Variants in ROBO2 observed in about 807,000 individuals in gnomAD.
The protein encoded by ROBO2 is roundabout homolog 2.
Under a neutral mutation model 160.8 loss-of-function variants are expected in ROBO2, and 53 were observed. That is an observed-to-expected ratio of 0.33 (90% CI 0.26 to 0.41). The LOEUF is 0.41. Among genes scored for constraint, ROBO2 ranks in the 10% least tolerant of loss-of-function variants. The pLI is 1.00. For synonymous variants in ROBO2, 664 were observed against 611.7 expected (o/e 1.09, Z -1.26); for missense variants, 1,577 against 1,722.4 (o/e 0.92, Z 1.49).
intron 2 of ROBO2, among the ~76,000 whole-genome samples, chr3:76,257,341 A>G (rs1706462035): frequency 6.6e-6 from 1 of 152,260 alleles, no homozygotes; most frequent in East Asian, 1.9e-4. Flanking sequence ...GAAATAACTT[A>G]TATGTATTCT....
intron 2 of ROBO2, among the ~76,000 whole-genome samples, chr3:76,261,462 C>G (rs1398818263): frequency 6.6e-6 from 1 of 151,808 alleles, no homozygotes; most frequent in African/African-American, 2.4e-5. Context: ...TATACTTGCT[C>G]TCAGAGTTTA....
intron 2 of ROBO2, among the ~76,000 whole-genome samples, chr3:76,272,974 TATATATA>T (rs1205245753): frequency 1.2e-4 from 9 of 74,886 alleles, no homozygotes; most frequent in African/African-American, 3.6e-4. Context: ...ATATATAAAA[TATATATA>T]ATATATAATA....
chr3:77,341,554 T>C (rs905420834), intron 2 of ROBO2, among the ~76,000 whole-genome samples: 1 of 152,166 alleles, frequency 6.6e-6, no homozygotes, highest in African/African-American at 2.4e-5. Flanking sequence ...TGGCATTTTG[T>C]GGCTAGTGAA....
At chr3:76,991,647 A>G (rs2060671231) in intron 2 of ROBO2, among the ~76,000 whole-genome samples, 1 of 152,232 alleles carries the variant, frequency 6.6e-6, no homozygotes, top group Non-Finnish European at 1.5e-5. Flanking sequence ...AGTATTCTTT[A>G]CCATAGAAAA....
At chr3:76,368,716 G>A (rs755828735) in intron 2 of ROBO2, among the ~76,000 whole-genome samples, 12 of 151,916 alleles carry the variant, frequency 7.9e-5, no homozygotes, top group Non-Finnish European at 1.8e-4. Flanking sequence ...TTTTCTACTG[G>A]TCTAAGAGTA....
intron 2 of ROBO2, among the ~76,000 whole-genome samples, chr3:76,204,509 G>C (rs1392147550): frequency 2.0e-5 from 3 of 152,200 alleles, no homozygotes; most frequent in African/African-American, 7.2e-5. Flanking sequence ...GAGAGAAATA[G>C]AATGTTCTAA....
intron 2 of ROBO2, among the ~76,000 whole-genome samples, chr3:76,607,393 C>T (rs2087747412): frequency 6.6e-6 from 1 of 152,184 alleles, no homozygotes; most frequent in African/African-American, 2.4e-5. Flanking sequence ...ATTTCTCAGA[C>T]ATTTTCCCCA....
intron 2 of ROBO2, among the ~76,000 whole-genome samples, chr3:77,101,291 ATTTGT>A (rs202020622): frequency 0.053 from 8,036 of 152,166 alleles, 240 homozygotes; most frequent in Middle Eastern, 0.13. Flanking sequence ...TGATTACTAG[ATTTGT>A]TTTGTTTTGT....
At chr3:77,558,616 C>G (rs1172850492) in intron 9 of ROBO2, among the ~76,000 whole-genome samples, 1 of 151,920 alleles carries the variant, frequency 6.6e-6, no homozygotes, top group Non-Finnish European at 1.5e-5. Flanking sequence ...AGTGGGAAAC[C>G]TTAGGTTGTA....
chr3:76,977,047 T>C (rs1245490797), intron 2 of ROBO2, among the ~76,000 whole-genome samples: 4 of 152,208 alleles, frequency 2.6e-5, no homozygotes, highest in African/African-American at 9.6e-5. Flanking sequence ...ATGTTGGAAA[T>C]GGCATCCTAT....
exon 1 of ROBO2, chr3:75,906,891 C>T (rs1311977204): frequency 6.6e-6 from 1 of 152,296 alleles, no homozygotes; most frequent in East Asian, 1.9e-4. Context: ...TTCACACGGA[C>T]GCTGCGGAGC....
chr3:76,454,852 C>T (rs146611748), intron 2 of ROBO2, among the ~76,000 whole-genome samples: 1 of 152,128 alleles, frequency 6.6e-6, no homozygotes, highest in Non-Finnish European at 1.5e-5. Context: ...AGAAACAGCA[C>T]ATATTTATTT....
intron 2 of ROBO2, among the ~76,000 whole-genome samples, chr3:77,209,971 T>C (rs1187485752): frequency 2.6e-5 from 4 of 152,118 alleles, no homozygotes; most frequent in Non-Finnish European, 5.9e-5. Context: ...ATCTTTCTTT[T>C]TGAAAGAAAA....
chr3:77,542,860 A>T (rs975737550), intron 6 of ROBO2, among the ~76,000 whole-genome samples: 1 of 148,722 alleles, frequency 6.7e-6, no homozygotes, highest in Non-Finnish European at 1.5e-5. Context: ...CCAAAATATA[A>T]ATCTGATTAT....
At chr3:77,287,046 C>T (rs1165923881) in intron 2 of ROBO2, among the ~76,000 whole-genome samples, 1 of 152,178 alleles carries the variant, frequency 6.6e-6, no homozygotes, top group Non-Finnish European at 1.5e-5. Context: ...TTGACAAATC[C>T]CTCTGCTTAT....
intron 2 of ROBO2, among the ~76,000 whole-genome samples, chr3:76,124,574 A>AT (rs1273231046): frequency 1.3e-5 from 2 of 151,870 alleles, no homozygotes; most frequent in African/African-American, 2.4e-5. Flanking sequence ...TCTCGACATC[A>AT]TTTTCTTTTT....
chr3:77,012,115 G>A (rs1001154884), intron 2 of ROBO2, among the ~76,000 whole-genome samples: 1 of 152,030 alleles, frequency 6.6e-6, no homozygotes, highest in Admixed American at 6.6e-5. Flanking sequence ...GAAGACCTTG[G>A]TCATATATAT....
rs1298441754 is a variant in ROBO2 at position 77,577,484 on chromosome 3, C to T, written c.2204-6C>T. On this transcript the variant is annotated splice_polypyrimidine_tract_variant and splice_region_variant and intron_variant, in intron 14 of 25. Coordinates refer to ENST00000461745, the Ensembl canonical transcript of ROBO2. ...TTTGCATTTATTCTAATTACTTCCT[C>T]TACAGCCCCAAGTGCCCCACCACAG... 6.2e-7 allele frequency: 1 copy of T among 1,613,290 alleles called. No individual in the cohort carries two copies. The highest frequency in any genetic ancestry group is 1.1e-5 in the South Asian group (1 of 91,072).
intron 2 of ROBO2, among the ~76,000 whole-genome samples, chr3:77,246,148 T>C (rs2089692860): frequency 6.6e-6 from 1 of 152,184 alleles, no homozygotes; most frequent in African/African-American, 2.4e-5. Flanking sequence ...TACCTTCATT[T>C]AGGACTTCCT....
Sources: gnomAD v4.1 joint callset for allele counts (sites outside exome capture counted in the v4.1 genomes callset) on GRCh38, gnomAD v4.1.1 for gene constraint, MANE v1.5 for transcripts, NCBI Gene and HGNC (gene_info 2026-07-23, HGNC 2026-07-21) for gene names.